The following CEP164 variants were observed in gnomAD, a reference collection of about 807,000 sequenced individuals.
The protein encoded by CEP164 is centrosomal protein 164.
CEP164 carries 162 observed loss-of-function variants against 182.7 expected under a neutral mutation model. The ratio of observed to expected loss-of-function variants is 0.89; its 90% CI spans 0.78 to 1.01. The LOEUF (loss-of-function observed/expected upper bound fraction) is 1.01, where lower values mean the gene tolerates loss of function less well. Ranked by LOEUF, CEP164 falls within the 50% of genes least tolerant of loss-of-function variation. CEP164 has a pLI of 0.00. For missense variants in CEP164, 1,735 were observed against 1,790.4 expected (o/e 0.97, Z 0.56); for synonymous variants, 661 against 690.0 (o/e 0.96, Z 0.66).
In CEP164 at chr11:117,391,011, G is replaced by T; in HGVS notation, c.2079G>T (p.Glu693Asp). ...TGTGTCCACCCAGGGCTGAGCAAGA[G>T]GCTTCCCTGCAGAAACTGAGAGAAG... Reference protein sequence around the residue: ...ADEDQIRAEQEASLQKLREEL... With the variant: ...ADEDQIRAEQDASLQKLREEL... The change falls in exon 17 of 33, where the codon GAG (glutamate) becomes GAT (aspartate). Residue 693 changes from glutamate (E) to aspartate (D), a missense_variant. Physicochemically the swap from Glu to Asp is conservative, Grantham distance 45. Coordinates refer to ENST00000278935, the MANE Select transcript of CEP164 (RefSeq NM_014956.5). 1 of 1,614,146 alleles carries T rather than the reference G, an allele frequency of 6.2e-7. No homozygotes were observed. The highest frequency in any genetic ancestry group is 8.5e-7 in the Non-Finnish European group (1 of 1,180,048).
intron 27 of CEP164, among the ~76,000 whole-genome samples, chr11:117,402,408 G>A (rs1352439526): frequency 6.6e-6 from 1 of 151,438 alleles, no homozygotes; most frequent in African/African-American, 2.4e-5. Flanking sequence ...TTTAGTAGAG[G>A]CGGGGTTTCA....
intron 15 of CEP164, among the ~76,000 whole-genome samples, chr11:117,387,840 T>A (rs922410312): frequency 1.3e-5 from 2 of 152,230 alleles, no homozygotes; most frequent in Non-Finnish European, 2.9e-5. Flanking sequence ...TATTTTTAGA[T>A]GATACCTAGC....
intron 5 of CEP164, 150 bp from the exon 6 acceptor site, chr11:117,361,685 C>T (rs1290957267): frequency 4.2e-5 from 32 of 757,016 alleles, no homozygotes; most frequent in Middle Eastern, 3.9e-4. Context: ...ATGGTAATTT[C>T]TGGATGTTGT....
chr11:117,395,553 A>G lies in CEP164; in HGVS notation c.2920A>G (p.Thr974Ala), dbSNP rs56699807. ...TCTTTCCTTTTGCCCCTAGGAAGCC[A>G]CAGCCACCCATCAGCAGCTGGAGGA... Reference protein sequence around the residue: ...RQVALKSEEATATHQQLEEAQ... With the variant: ...RQVALKSEEAAATHQQLEEAQ... Residue 974 changes from threonine (T) to alanine (A), a missense_variant, in exon 24 of 33, where the codon ACA becomes GCA. Thr to Ala is a moderately conservative substitution (Grantham distance 58). Coordinates refer to ENST00000278935, the MANE Select transcript of CEP164 (RefSeq NM_014956.5). 3.0e-4 allele frequency: 485 copies of G among 1,610,168 alleles called. 2 individuals carry two copies. The highest frequency in any genetic ancestry group is 1.9e-3 in the Middle Eastern group (11 of 5,932).
intron 3 of CEP164, among the ~76,000 whole-genome samples, chr11:117,343,600 T>C (rs2038442942): frequency 6.6e-6 from 1 of 151,914 alleles, no homozygotes; most frequent in South Asian, 2.1e-4. Flanking sequence ...CCTGCTGGAA[T>C]GAAGTCTTGG....
chr11:117,377,962 C>T (rs960374914), intron 11 of CEP164, among the ~76,000 whole-genome samples: 10 of 151,978 alleles, frequency 6.6e-5, no homozygotes, highest in Admixed American at 5.2e-4. Flanking sequence ...TGGGTTCAAG[C>T]GATTCTCCTG....
rs148916200 is a variant in CEP164, at chr11:117,351,863, G to C, written c.268G>C (p.Glu90Gln). 33 of 1,613,168 alleles carry C rather than the reference G, an allele frequency of 2.0e-5. No individual in the cohort carries two copies. In the African/African-American group the frequency reaches 3.5e-4, roughly 17 times the overall value. ...GQSMWDHPCDEHYRSLVIQER... is the reference protein window; with the variant it reads ...GQSMWDHPCDQHYRSLVIQER... ...GTCTATGTGGGACCATCCATGTGAC[G>C]AACACTATCGGAGCTTGGTGATCCA... Residue 90 changes from glutamate (E) to glutamine (Q), a missense_variant, in exon 5 of 33, where the codon GAA (glutamate) becomes CAA (glutamine). Coordinates refer to ENST00000278935, the MANE Select transcript of CEP164 (RefSeq NM_014956.5).
chr11:117,345,668 G>A (rs2038784684), intron 4 of CEP164, among the ~76,000 whole-genome samples: 2 of 151,864 alleles, frequency 1.3e-5, no homozygotes, highest in Non-Finnish European at 2.9e-5. Flanking sequence ...TTTTCCTCAT[G>A]TGGCAGGCTT....
Sources: allele counts gnomAD v4.1 joint callset (sites outside exome capture counted in the v4.1 genomes callset), GRCh38; gene constraint gnomAD v4.1.1; transcripts MANE v1.5; gene names NCBI Gene and HGNC (gene_info 2026-07-23, HGNC 2026-07-21).